Variants in AFAP1 observed in about 807,000 individuals in gnomAD.
The protein encoded by AFAP1 is actin filament associated protein 1, also known as actin filament-associated protein 1.
In AFAP1, 75 loss-of-function variants were observed where a neutral mutation model predicts 93.9. That is an observed-to-expected ratio of 0.80 (90% CI 0.66 to 0.97). The LOEUF (loss-of-function observed/expected upper bound fraction) is 0.97. Among genes scored for constraint, AFAP1 ranks in the 50% least tolerant of loss-of-function variants. The probability of loss-of-function intolerance (pLI) is 0.00; values close to 1 mark genes in which losing one functional copy is unlikely to be tolerated. For synonymous variants in AFAP1, 517 were observed against 430.7 expected, an observed-to-expected ratio of 1.20 and a Z score of -2.48; for missense variants, 1,201 against 1,050.8, an observed-to-expected ratio of 1.14 and a Z score of -1.98.
At chr4:7,885,327 T>A (rs539908328) in intron 1 of AFAP1, among the ~76,000 whole-genome samples, 1 of 152,304 alleles carries the variant, frequency 6.6e-6, no homozygotes, top group Non-Finnish European at 1.5e-5. Flanking sequence ...CACGTGCCAC[T>A]GCTCTCTGCC....
intron 1 of AFAP1, among the ~76,000 whole-genome samples, chr4:7,930,380 GCT>G (rs1560241931): frequency 3.3e-4 from 1 of 3,020 alleles, no homozygotes; most frequent in Non-Finnish European, 5.7e-4. Flanking sequence ...CCGGTGGCTA[GCT>G]CAATCTCTCA....
chr4:7,769,448 G>A (rs1258179022), intron 16 of AFAP1, among the ~76,000 whole-genome samples: 3 of 152,360 alleles, frequency 2.0e-5, no homozygotes, highest in South Asian at 2.1e-4. Context: ...ACTGGCTAAC[G>A]GGATGCAGCC....
Position 7,870,987 on chromosome 4 carries a change from C to A in AFAP1, c.127+965G>T, listed in dbSNP as rs187341767. Among the ~76,000 whole-genome samples the A allele has an allele frequency of 1.5e-3, 224 of 152,320 alleles. 1 individual carries two copies. The highest frequency in any genetic ancestry group is 5.2e-3 in the African/African-American group (218 of 41,552). The stretch of plus-strand genomic sequence containing the variant: ...AAAATCCTCCATCTCATCCGGCAGA[C>A]TATCTCCATAGAGTCCTCAAGATTC... On this transcript the variant is annotated intron_variant, in intron 2 of 17. Transcript: ENST00000420658.
At chr4:7,767,879 G>A (rs764192085) in intron 17 of AFAP1, among the ~76,000 whole-genome samples, 19 of 152,124 alleles carry the variant, frequency 1.2e-4, no homozygotes, top group South Asian at 2.1e-4. Context: ...TTTGATACCA[G>A]CCTGGGCGAT....
At chr4:7,844,045 C>T (rs1431160884) in intron 4 of AFAP1, among the ~76,000 whole-genome samples, 1 of 152,188 alleles carries the variant, frequency 6.6e-6, no homozygotes, top group East Asian at 1.9e-4. Context: ...GCCCTCCTGC[C>T]TTTGCCTGGT....
Position 7,858,712 on chromosome 4 carries a change from C to T in AFAP1, c.226-3138G>A, listed in dbSNP as rs531584037. On this transcript the variant is annotated intron_variant, in intron 3 of 17. Coordinates refer to ENST00000420658, the MANE Select transcript of AFAP1 (RefSeq NM_001134647.2). ...GGCGCACAGCCACTCACATCCAAGG[C>T]TGGCTTGTTCCTGCACCTCTGCAAC... is the stretch of plus-strand genomic sequence containing the variant. Among the ~76,000 whole-genome samples, 19 of 152,326 alleles carry T rather than the reference C, an allele frequency of 1.2e-4. 1 individual carries two copies. The highest frequency in any genetic ancestry group is 3.4e-3 in the Middle Eastern group (1 of 294).
intron 1 of AFAP1, among the ~76,000 whole-genome samples, chr4:7,931,853 G>T (rs1211254117): frequency 6.6e-6 from 1 of 151,924 alleles, no homozygotes; most frequent in African/African-American, 2.4e-5. Context: ...TAGGATTATA[G>T]ATTCTGGTTT....
intron 1 of AFAP1, among the ~76,000 whole-genome samples, chr4:7,899,588 T>C (rs923212458): frequency 6.6e-6 from 1 of 152,226 alleles, no homozygotes; most frequent in Non-Finnish European, 1.5e-5. Context: ...ATCAATGGCA[T>C]GTAAACCTAA....
intron 6 of AFAP1, among the ~76,000 whole-genome samples, chr4:7,822,670 C>T (rs1239921482): frequency 1.1e-4 from 16 of 150,542 alleles, no homozygotes; most frequent in East Asian, 3.9e-4. Flanking sequence ...CTGCAAGCTC[C>T]GCCTCCTGGG....
chr4:7,779,725 T>C (rs558514762), intron 13 of AFAP1, among the ~76,000 whole-genome samples: 1 of 152,326 alleles, frequency 6.6e-6, no homozygotes, highest in African/African-American at 2.4e-5. Flanking sequence ...TGAGCCGCCA[T>C]TTGATCATTT....
intron 1 of AFAP1, among the ~76,000 whole-genome samples, chr4:7,888,177 C>T (rs542518827): frequency 6.6e-6 from 1 of 152,222 alleles, no homozygotes. Flanking sequence ...AACACAAAAA[C>T]TTGGATTTTC....
chr4:7,778,648 T>A (rs1716406769), intron 14 of AFAP1, 114 bp downstream of exon 14: 1 of 997,406 alleles, frequency 1.0e-6, no homozygotes, highest in Admixed American at 1.7e-5. Flanking sequence ...TGCCCACCGC[T>A]CCATCTCTCC....
intron 3 of AFAP1, among the ~76,000 whole-genome samples, chr4:7,863,442 A>C (rs901744265): frequency 4.6e-5 from 7 of 152,172 alleles, no homozygotes; most frequent in African/African-American, 1.4e-4. Context: ...CGAAAGAAAG[A>C]AAGAAGGAAA....
At chr4:7,910,962 C>G (rs776716807) in intron 1 of AFAP1, among the ~76,000 whole-genome samples, 1 of 152,152 alleles carries the variant, frequency 6.6e-6, no homozygotes, top group Non-Finnish European at 1.5e-5. Context: ...GGTGGATCTT[C>G]TTCCTCTCAC....
At position 7,868,711 on chromosome 4, in the gene AFAP1, C is replaced by T. The variant is rs754371804; in HGVS notation, c.136G>A (p.Val46Met). The change falls in exon 3 of 18, where the codon GTG (valine) becomes ATG (methionine). Residue 46 changes from valine to methionine, a missense_variant. Physicochemically the swap from Val to Met is conservative, Grantham distance 21. Coordinates refer to ENST00000420658, the MANE Select transcript of AFAP1 (RefSeq NM_001134647.2). ...TCCTGCTTCTGAGCATGGTCCTTCACATCAAAACCTGTAAGAATTAACCAG... is the reference window on the plus strand; with the variant it reads ...TCCTGCTTCTGAGCATGGTCCTTCATATCAAAACCTGTAAGAATTAACCAG... ...LRIQSSKGFD[V>M]KDHAQKQETA... 1 of 1,613,382 alleles carries T rather than the reference C, an allele frequency of 6.2e-7. No homozygotes were observed. The highest frequency in any genetic ancestry group is 8.5e-7 in the Non-Finnish European group (1 of 1,179,904).
intron 6 of AFAP1, among the ~76,000 whole-genome samples, chr4:7,828,437 AG>A (rs1170169823): frequency 2.6e-5 from 4 of 152,244 alleles, no homozygotes; most frequent in Non-Finnish European, 4.4e-5. Flanking sequence ...CAGCAGACAC[AG>A]GAAGAGTCTG....
At chr4:7,783,560 G>A (rs1716982709) in intron 12 of AFAP1, among the ~76,000 whole-genome samples, 1 of 152,224 alleles carries the variant, frequency 6.6e-6, no homozygotes, top group Admixed American at 6.5e-5. Flanking sequence ...GGCCTAATAA[G>A]CAAGGAAGCC....
intron 1 of AFAP1, among the ~76,000 whole-genome samples, chr4:7,916,255 C>G (rs547810977): frequency 2.0e-5 from 3 of 152,334 alleles, no homozygotes; most frequent in African/African-American, 7.2e-5. Context: ...GCCTTCTGTA[C>G]AGGAGACACA....
chr4:7,937,853 TTAATC>T (rs1183106129), intron 1 of AFAP1, among the ~76,000 whole-genome samples: 1 of 152,168 alleles, frequency 6.6e-6, no homozygotes, highest in Non-Finnish European at 1.5e-5. Context: ...TAGAAAAAGA[TTAATC>T]TAAAAACCCT....
Sources: allele counts gnomAD v4.1 joint callset (sites outside exome capture counted in the v4.1 genomes callset), GRCh38; gene constraint gnomAD v4.1.1; transcripts MANE v1.5; gene names NCBI Gene and HGNC (gene_info 2026-07-23, HGNC 2026-07-21).